The following GRID2 variants were observed in gnomAD, a reference collection of about 807,000 sequenced individuals.
GRID2 encodes glutamate receptor ionotropic, delta-2.
In GRID2, 33 loss-of-function variants were observed where a neutral mutation model predicts 114.8. The ratio of observed to expected loss-of-function variants is 0.29; its 90% confidence interval spans 0.22 to 0.38. The LOEUF (loss-of-function observed/expected upper bound fraction) is 0.38. GRID2 is among the 10% of genes least tolerant of loss of function. GRID2 has a pLI of 1.00. For missense variants in GRID2, 1,184 were observed against 1,257.7 expected (o/e 0.94, Z 0.89); for synonymous variants, 505 against 449.9 (o/e 1.12, Z -1.55).
rs540638635 is a variant in GRID2, at chr4:92,829,845, C to T, written c.244+239559C>T. ...ACTAACACAGCAATGGAAAACCAAA[C>T]GCCACATGTTCTCACTGATAAGTTG... On this transcript the variant is annotated intron_variant, in intron 2 of 15. Transcript: ENST00000282020. Among the ~76,000 whole-genome samples the T allele has an allele frequency of 3.0e-4, 45 of 152,092 alleles. No homozygotes were observed. In the South Asian group the frequency reaches 3.3e-3, roughly 11 times the overall value.
At chr4:92,647,906 T>G (rs542143567) in intron 2 of GRID2, among the ~76,000 whole-genome samples, 25 of 149,694 alleles carry the variant, frequency 1.7e-4, no homozygotes, top group Non-Finnish European at 3.3e-4. Context: ...CTAGTTTCAC[T>G]TATGTGAAAA....
intron 1 of GRID2, among the ~76,000 whole-genome samples, chr4:92,348,784 A>G (rs1209397736): frequency 5.3e-5 from 8 of 152,188 alleles, no homozygotes; most frequent in Admixed American, 3.9e-4. Context: ...AGCAAGGTAA[A>G]GATAACAACC....
At chr4:93,447,669 TACAA>T (rs1252904183) in intron 10 of GRID2, among the ~76,000 whole-genome samples, 1 of 151,996 alleles carries the variant, frequency 6.6e-6, no homozygotes, top group Non-Finnish European at 1.5e-5. Context: ...GTTATTTGTT[TACAA>T]ACAAATTAAT....
intron 1 of GRID2, among the ~76,000 whole-genome samples, chr4:92,405,400 A>T (rs2110289370): frequency 6.6e-6 from 1 of 152,206 alleles, no homozygotes; most frequent in East Asian, 1.9e-4. Flanking sequence ...ATTAGCGGGG[A>T]CAGACGCTGA....
chr4:93,293,969 A>G (rs1754016381), intron 8 of GRID2, among the ~76,000 whole-genome samples: 2 of 152,222 alleles, frequency 1.3e-5, no homozygotes, highest in Admixed American at 6.5e-5. Flanking sequence ...CTGATCACAG[A>G]CGGCGATTAT....
At chr4:92,576,029 T>C (rs886847989) in intron 1 of GRID2, among the ~76,000 whole-genome samples, 5 of 152,298 alleles carry the variant, frequency 3.3e-5, no homozygotes, top group African/African-American at 1.2e-4. Flanking sequence ...TGGCTTGGAC[T>C]CTCCAAAGCC....
At chr4:93,737,909 G>A (rs1731058754) in intron 14 of GRID2, among the ~76,000 whole-genome samples, 1 of 152,102 alleles carries the variant, frequency 6.6e-6, no homozygotes, top group Non-Finnish European at 1.5e-5. Flanking sequence ...GCTAATTGTT[G>A]TAGACTGTAA....
At chr4:93,209,168 G>C (rs1743162841) in intron 5 of GRID2, among the ~76,000 whole-genome samples, 2 of 151,898 alleles carry the variant, frequency 1.3e-5, no homozygotes, top group South Asian at 4.2e-4. Flanking sequence ...TGTCATGGGG[G>C]TTTATTGTAC....
chr4:92,654,456 C>T (rs555900870), intron 2 of GRID2, among the ~76,000 whole-genome samples: 6 of 152,070 alleles, frequency 3.9e-5, no homozygotes, highest in Non-Finnish European at 7.4e-5. Flanking sequence ...AGATTTCAAA[C>T]TCATGAGTGG....
At chr4:93,170,760 G>C (rs1212243854) in intron 4 of GRID2, among the ~76,000 whole-genome samples, 1 of 151,964 alleles carries the variant, frequency 6.6e-6, no homozygotes, top group Non-Finnish European at 1.5e-5. Flanking sequence ...ATACCCGACT[G>C]CCTATTGCGC....
chr4:93,710,724 C>T (rs1728411543), intron 14 of GRID2, among the ~76,000 whole-genome samples: 1 of 152,166 alleles, frequency 6.6e-6, no homozygotes, highest in African/African-American at 2.4e-5. Context: ...GAGCCAGGAC[C>T]TGGAGTTGAG....
chr4:93,412,228 A>ACC (rs1767248608), intron 9 of GRID2, among the ~76,000 whole-genome samples: 1 of 128,844 alleles, frequency 7.8e-6, no homozygotes, highest in African/African-American at 3.1e-5. Flanking sequence ...AGTAAGACCC[A>ACC]TCCCCCCCCC....
intron 2 of GRID2, among the ~76,000 whole-genome samples, chr4:93,038,138 C>T (rs905586696): frequency 6.6e-6 from 1 of 152,122 alleles, no homozygotes; most frequent in African/African-American, 2.4e-5. Flanking sequence ...CTTCCTTGAG[C>T]AGTGGTTTGT....
At chr4:92,768,630 G>A (rs1738383193) in intron 2 of GRID2, among the ~76,000 whole-genome samples, 1 of 152,212 alleles carries the variant, frequency 6.6e-6, no homozygotes, top group South Asian at 2.1e-4. Flanking sequence ...TGGACTTACA[G>A]TTCCACATGG....
intron 1 of GRID2, among the ~76,000 whole-genome samples, chr4:92,573,134 T>C (rs1035316806): frequency 6.6e-6 from 1 of 152,152 alleles, no homozygotes; most frequent in Admixed American, 6.6e-5. Flanking sequence ...TATCCTCTGA[T>C]GGTTGTCTGT....
chr4:92,611,415 G>C (rs1056859888), intron 2 of GRID2, among the ~76,000 whole-genome samples: 8 of 151,432 alleles, frequency 5.3e-5, no homozygotes, highest in Non-Finnish European at 8.9e-5. Context: ...TGCATAGAAA[G>C]ACACTAATCC....
intron 2 of GRID2, among the ~76,000 whole-genome samples, chr4:92,590,631 C>A (rs1728667002): frequency 6.6e-6 from 1 of 152,106 alleles, no homozygotes; most frequent in Non-Finnish European, 1.5e-5. Context: ...GAGATAACTG[C>A]CACCTTGGGT....
intron 1 of GRID2, among the ~76,000 whole-genome samples, chr4:92,361,576 T>C (rs1728621157): frequency 6.6e-6 from 1 of 152,012 alleles, no homozygotes; most frequent in African/African-American, 2.4e-5. Context: ...CATGGTCATT[T>C]CTAGAAAACA....
chr4:93,076,334 C>A (rs527459130), intron 2 of GRID2, among the ~76,000 whole-genome samples: 16 of 152,162 alleles, frequency 1.1e-4, no homozygotes, highest in African/African-American at 3.9e-4. Context: ...AGTGTCAGGT[C>A]ATAAAGAATT....
Sources: allele counts gnomAD v4.1 joint callset (sites outside exome capture counted in the v4.1 genomes callset), GRCh38; gene constraint gnomAD v4.1.1; transcripts MANE v1.5; gene names NCBI Gene and HGNC (gene_info 2026-07-23, HGNC 2026-07-21).